Variants in PITPNC1 observed in about 807,000 individuals in gnomAD.
The protein encoded by PITPNC1 is cytoplasmic phosphatidylinositol transfer protein 1.
Under a neutral mutation model 44.7 loss-of-function variants are expected in PITPNC1, and 18 were observed. The observed-to-expected ratio is 0.40, with a 90% confidence interval of 0.28 to 0.60. PITPNC1 has a LOEUF of 0.60. Ranked by LOEUF, PITPNC1 falls within the 20% of genes least tolerant of loss-of-function variation. The pLI, the probability that PITPNC1 is intolerant of heterozygous loss-of-function variation, is 0.39. For synonymous variants in PITPNC1, 141 were observed against 149.6 expected (o/e 0.94, Z 0.42); for missense variants, 290 against 418.4 (o/e 0.69, Z 2.68).
intron 8 of PITPNC1, 132 bp from the exon 9 acceptor site, chr17:67,692,440 T>TGG: frequency 1.5e-6 from 1 of 651,536 alleles, no homozygotes; most frequent in Non-Finnish European, 2.7e-6. Context: ...AATGATACTT[T>TGG]GGGTGTATAA....
intron 2 of PITPNC1, among the ~76,000 whole-genome samples, chr17:67,548,652 T>C (rs2040717394): frequency 6.6e-6 from 1 of 152,142 alleles, no homozygotes; most frequent in Admixed American, 6.5e-5. Context: ...TTGGGAGGCA[T>C]TGACAAGGCA....
rs1050726549 is a variant in PITPNC1, at chr17:67,393,129, C to G, written c.48+14927C>G. On this transcript the variant is annotated intron_variant, in intron 1 of 8. Coordinates refer to ENST00000581322, the MANE Select transcript of PITPNC1 (RefSeq NM_012417.4). ...TGGGCTACAGAGCAAGACTCCACCT[C>G]AAAAAAAAAAAAAAAGCAGAAAAAT... Among the ~76,000 whole-genome samples the G allele has an allele frequency of 5.2e-5, 5 of 96,682 alleles. No homozygotes were observed. In the South Asian group the frequency reaches 9.4e-4, roughly 18 times the overall value. 63.4% of individuals were successfully genotyped at this position (96,682 alleles called of 152,430 possible). A position where few individuals can be genotyped will look rare whatever the true frequency, so the allele number is the denominator to read the frequency against.
At chr17:67,525,577 C>T (rs2040382098) in intron 1 of PITPNC1, among the ~76,000 whole-genome samples, 3 of 152,198 alleles carry the variant, frequency 2.0e-5, no homozygotes, top group African/African-American at 7.2e-5. Context: ...TCTGGACTCA[C>T]TGGATCTCCT....
rs116745311 is a variant in PITPNC1, at chr17:67,633,115, C to T, written c.462+877C>T. Among the ~76,000 whole-genome samples, 415 of 152,238 alleles carry T rather than the reference C, an allele frequency of 2.7e-3. 4 individuals are homozygous for T. The highest frequency in any genetic ancestry group is 9.6e-3 in the African/African-American group (398 of 41,538). ...TTAGTATTTTATTAATGGCTGCTGA[C>T]GGAACTTGGGTGACCCACTTGTAAA... On this transcript the variant is annotated intron_variant, in intron 6 of 8. Coordinates refer to ENST00000581322, the MANE Select transcript of PITPNC1 (RefSeq NM_012417.4).
chr17:67,667,848 C>A (rs969131652), intron 6 of PITPNC1, among the ~76,000 whole-genome samples: 2 of 151,714 alleles, frequency 1.3e-5, no homozygotes, highest in Admixed American at 6.6e-5. Context: ...GGCATGGTGG[C>A]GGGTGCCTGT....
intron 2 of PITPNC1, among the ~76,000 whole-genome samples, chr17:67,544,413 G>T (rs1010483812): frequency 6.6e-6 from 1 of 152,190 alleles, no homozygotes; most frequent in African/African-American, 2.4e-5. Flanking sequence ...AATGGGGGTG[G>T]GGGTGGAGGG....
intron 2 of PITPNC1, among the ~76,000 whole-genome samples, chr17:67,535,803 C>T (rs143081103): frequency 1.2e-3 from 188 of 152,268 alleles, no homozygotes; most frequent in African/African-American, 4.2e-3. Context: ...AAAGCAGACC[C>T]GTTAATGCTA....
rs560243160 is a variant in PITPNC1 at position 67,510,449 on chromosome 17, C to A, written c.49-22353C>A. On this transcript the variant is annotated intron_variant, in intron 1 of 8. Coordinates refer to ENST00000581322, the MANE Select transcript of PITPNC1 (RefSeq NM_012417.4). Reference sequence around the variant, plus strand: ...ACAGCATTCCTGCCCCTCTTTAGACCCCTGGGCTGGCTTTTGCTTTGGTTG... The same window carrying A: ...ACAGCATTCCTGCCCCTCTTTAGACACCTGGGCTGGCTTTTGCTTTGGTTG... 2.6e-5 allele frequency among the ~76,000 whole-genome samples: 4 copies of A among 152,310 alleles called. No homozygotes were observed. The East Asian group carries it at 7.7e-4, about 29-fold the overall frequency.
At chr17:67,573,517 T>G in intron 4 of PITPNC1, among the ~76,000 whole-genome samples, 1 of 147,228 alleles carries the variant, frequency 6.8e-6, no homozygotes, top group African/African-American at 2.5e-5. Context: ...AGGTGGGAGG[T>G]GGAAAAAGTA....
chr17:67,455,616 ATTT>A (rs2039245265), intron 1 of PITPNC1, among the ~76,000 whole-genome samples: 1 of 149,638 alleles, frequency 6.7e-6, no homozygotes, highest in Non-Finnish European at 1.5e-5. Context: ...TTTTTTTTGT[ATTT>A]TTAGTAGAGA....
intron 6 of PITPNC1, among the ~76,000 whole-genome samples, chr17:67,663,525 G>A (rs1048841340): frequency 2.0e-5 from 3 of 149,298 alleles, no homozygotes; most frequent in Non-Finnish European, 3.0e-5. Flanking sequence ...AGCCGAGATC[G>A]CCACTACACT....
At chr17:67,454,517 ATTC>A (rs1302334295) in intron 1 of PITPNC1, among the ~76,000 whole-genome samples, 2 of 152,076 alleles carry the variant, frequency 1.3e-5, no homozygotes, top group Non-Finnish European at 2.9e-5. Flanking sequence ...ATGTAAAACC[ATTC>A]TTAAGTCATG....
At chr17:67,405,609 C>CTT (rs748815813) in intron 1 of PITPNC1, among the ~76,000 whole-genome samples, 32 of 142,016 alleles carry the variant, frequency 2.3e-4, no homozygotes, top group African/African-American at 7.2e-4. Flanking sequence ...TTCTTTCTTT[C>CTT]TTTTTTTTTT....
intron 1 of PITPNC1, among the ~76,000 whole-genome samples, chr17:67,435,959 G>A (rs972063556): frequency 3.9e-5 from 6 of 152,078 alleles, no homozygotes; most frequent in African/African-American, 1.4e-4. Context: ...TGAGATACAT[G>A]GTTGGTGGTT....
At chr17:67,674,941 G>A (rs149922263) in intron 7 of PITPNC1, among the ~76,000 whole-genome samples, 1,689 of 151,548 alleles carry the variant, frequency 0.011, 27 homozygotes, top group African/African-American at 0.039. Context: ...GAACCCTGGA[G>A]GCAGAGGTTG....
Position 67,409,071 on chromosome 17 carries a change from CTTTTTTTTTTT to C in PITPNC1, c.48+30883_48+30893del, listed in dbSNP as rs1159310735. Among the ~76,000 whole-genome samples the C allele has an allele frequency of 2.3e-3, 188 of 80,534 alleles. 1 individual carries two copies. The highest frequency in any genetic ancestry group is 9.0e-3 in the African/African-American group (172 of 19,140). 52.8% of individuals were successfully genotyped at this position (80,534 alleles called of 152,430 possible). A position where few individuals can be genotyped will look rare whatever the true frequency, so the allele number is the denominator to read the frequency against. On this transcript the variant is annotated intron_variant, in intron 1 of 8. Coordinates refer to ENST00000581322, the MANE Select transcript of PITPNC1 (RefSeq NM_012417.4). ...TGTGGGGTAGGGGTCCAAATTCATT[CTTTTTTTTTTT>C]TTTTTTTTTTTTTGAGACGGAGTCT...
At chr17:67,543,587 G>A (rs1230246723) in intron 2 of PITPNC1, among the ~76,000 whole-genome samples, 7 of 152,116 alleles carry the variant, frequency 4.6e-5, no homozygotes, top group Non-Finnish European at 1.0e-4. Context: ...CTCTTCATGT[G>A]TTCATTGGCC....
At chr17:67,478,808 A>C (rs1363610544) in intron 1 of PITPNC1, among the ~76,000 whole-genome samples, 9 of 152,086 alleles carry the variant, frequency 5.9e-5, no homozygotes, top group Non-Finnish European at 1.3e-4. Flanking sequence ...CACTAGCAAG[A>C]AGACTTGGCC....
At chr17:67,518,319 T>C (rs1189901680) in intron 1 of PITPNC1, among the ~76,000 whole-genome samples, 1 of 152,202 alleles carries the variant, frequency 6.6e-6, no homozygotes. Flanking sequence ...TGGACCTTTT[T>C]GACATTAAAG....
Sources: gnomAD v4.1 joint callset for allele counts (sites outside exome capture counted in the v4.1 genomes callset) on GRCh38, gnomAD v4.1.1 for gene constraint, MANE v1.5 for transcripts, NCBI Gene and HGNC (gene_info 2026-07-23, HGNC 2026-07-21) for gene names.